The following RIC1 variants were observed in gnomAD, a reference collection of about 807,000 sequenced individuals.
RIC1 encodes the protein guanine nucleotide exchange factor subunit RIC1.
RIC1 carries 88 observed loss-of-function variants against 169.0 expected under a neutral mutation model. The ratio of observed to expected loss-of-function variants is 0.52; its 90% confidence interval spans 0.44 to 0.62. RIC1 has a LOEUF of 0.62. RIC1 is among the 20% of genes least tolerant of loss of function. The pLI, the probability that RIC1 is intolerant of heterozygous loss-of-function variation, is 0.00. For missense variants in RIC1, 1,877 were observed against 1,725.5 expected (o/e 1.09, Z -1.56); for synonymous variants, 790 against 601.5 (o/e 1.31, Z -4.59).
intron 1 of RIC1, among the ~76,000 whole-genome samples, chr9:5,640,635 A>G (rs1818193540): frequency 6.6e-6 from 1 of 152,220 alleles, no homozygotes; most frequent in African/African-American, 2.4e-5. Context: ...AAACTACTCA[A>G]GTAGAAGGAG....
intron 16 of RIC1, 122 bp from the exon 17 acceptor site, chr9:5,757,191 G>A: frequency 8.9e-7 from 1 of 1,121,594 alleles, no homozygotes; most frequent in Non-Finnish European, 1.3e-6. Flanking sequence ...GGGAGAAGAT[G>A]ATAGGTAGTA....
chr9:5,729,231 G>A (rs2130911549), intron 6 of RIC1, among the ~76,000 whole-genome samples: 1 of 152,234 alleles, frequency 6.6e-6, no homozygotes, highest in South Asian at 2.1e-4. Context: ...GGTAGGGGTG[G>A]GGGTGTTTTG....
Position 5,690,037 on chromosome 9 carries a change from A to G in RIC1, c.331A>G (p.Lys111Glu). Residue 111 changes from lysine (K) to glutamate (E), a missense_variant and splice_region_variant, in exon 3 of 26, where the codon AAA (lysine) becomes GAA (glutamate). Lys to Glu is a moderately conservative substitution (Grantham distance 56). Around this residue, in one of 3 missense-constraint regions of RIC1, gnomAD observed 1,104 missense variants for 992.0 expected, o/e 1.11. Coordinates refer to ENST00000414202, the MANE Select transcript of RIC1 (RefSeq NM_020829.4). ...DKYLYEPVYP[K>E]GSPQMKGTPH... is the part of the protein sequence containing the mutation. ...GTACCTTTATGAACCAGTGTATCCCAAGTAAGTTTGTTGCCTTTCATTCTT... is the reference window on the plus strand; with the variant it reads ...GTACCTTTATGAACCAGTGTATCCCGAGTAAGTTTGTTGCCTTTCATTCTT... 1.3e-6 allele frequency: 2 copies of G among 1,578,810 alleles called. No individual in the cohort carries two copies. The highest frequency in any genetic ancestry group is 3.4e-4 in the Middle Eastern group (2 of 5,958).
intron 2 of RIC1, among the ~76,000 whole-genome samples, chr9:5,669,958 T>C (rs560087183): frequency 2.6e-5 from 4 of 152,254 alleles, no homozygotes; most frequent in Admixed American, 2.0e-4. Flanking sequence ...AACTGGATTT[T>C]ATAAGGAAAT....
chr9:5,727,008 T>C (rs553451807), intron 6 of RIC1, among the ~76,000 whole-genome samples: 1 of 152,302 alleles, frequency 6.6e-6, no homozygotes, highest in South Asian at 2.1e-4. Context: ...ATTTCAACTT[T>C]GGTGAGTCTG....
At chr9:5,664,894 C>T (rs967401263) in intron 2 of RIC1, among the ~76,000 whole-genome samples, 1 of 152,174 alleles carries the variant, frequency 6.6e-6, no homozygotes, top group African/African-American at 2.4e-5. Context: ...TCCACTTGGT[C>T]TATTCTGCTA....
intron 1 of RIC1, among the ~76,000 whole-genome samples, chr9:5,641,114 C>T (rs1168273891): frequency 7.8e-5 from 11 of 141,934 alleles, no homozygotes; most frequent in Non-Finnish European, 4.6e-5. Context: ...TTTTTTTGGA[C>T]GGGGTCTTGC....
At chr9:5,693,830 C>T (rs1468244315) in intron 3 of RIC1, among the ~76,000 whole-genome samples, 1 of 151,170 alleles carries the variant, frequency 6.6e-6, no homozygotes, top group Non-Finnish European at 1.5e-5. Context: ...AGATTTTTTT[C>T]CCCCTTCTTC....
chr9:5,685,526 A>C (rs1821166567), intron 2 of RIC1, among the ~76,000 whole-genome samples: 1 of 150,032 alleles, frequency 6.7e-6, no homozygotes, highest in African/African-American at 2.4e-5. Context: ...GCAATGGGGA[A>C]AGGATTCCCT....
intron 21 of RIC1, among the ~76,000 whole-genome samples, chr9:5,768,759 A>C (rs1224482231): frequency 6.6e-6 from 1 of 152,024 alleles, no homozygotes; most frequent in African/African-American, 2.4e-5. Context: ...CCCTGTATTC[A>C]TTCTACAAAT....
chr9:5,765,458 A>T lies in RIC1; in HGVS notation c.2886A>T (p.Leu962=), dbSNP rs758844052. 6.2e-7 allele frequency: 1 copy of T among 1,614,154 alleles called. No individual in the cohort carries two copies. Among genetic ancestry groups the T allele is most frequent in the South Asian group, 1.1e-5 (1 of 91,090 alleles). The change falls in exon 20 of 26, where the codon CTA becomes CTT. Residue 962 remains leucine (L), a synonymous_variant. Coordinates refer to ENST00000414202, the MANE Select transcript of RIC1 (RefSeq NM_020829.4). ...PAVSRQHATL[L]FNTALEQGKW... ...TAAGTAGGCAACATGCTACCCTTCT[A>T]TTCAACACAGCACTAGAACAAGGCA...
chr9:5,768,782 C>G (rs897666245), intron 21 of RIC1, among the ~76,000 whole-genome samples, 188 bp from the exon 22 acceptor site: 2 of 152,128 alleles, frequency 1.3e-5, no homozygotes, highest in Non-Finnish European at 2.9e-5. Flanking sequence ...GTCTTAAGAG[C>G]CTTCTGTGTT....
intron 2 of RIC1, among the ~76,000 whole-genome samples, chr9:5,671,006 AC>A (rs1229312359): frequency 5.3e-5 from 8 of 151,994 alleles, no homozygotes; most frequent in Admixed American, 1.3e-4. Context: ...AAATGCAAAA[AC>A]CTGAGAAGGT....
At chr9:5,678,781 C>G (rs1586930378) in intron 2 of RIC1, among the ~76,000 whole-genome samples, 3 of 152,044 alleles carry the variant, frequency 2.0e-5, no homozygotes, top group East Asian at 3.9e-4. Context: ...AAATTTTTTC[C>G]CATTCTGTAG....
chr9:5,739,436 C>T (rs1824930017), intron 8 of RIC1, among the ~76,000 whole-genome samples: 1 of 152,154 alleles, frequency 6.6e-6, no homozygotes, highest in African/African-American at 2.4e-5. Context: ...AATATCCATT[C>T]CCATGCCTAC....
rs1375741017 is a variant in RIC1, at chr9:5,720,204, C to G, written c.463C>G (p.Leu155Val). The change falls in exon 5 of 26, where the codon CTC becomes GTC. Residue 155 changes from leucine to valine, a missense_variant. Physicochemically the swap from Leu to Val is conservative, Grantham distance 32. Coordinates refer to ENST00000414202, the MANE Select transcript of RIC1 (RefSeq NM_020829.4). The stretch of plus-strand genomic sequence containing the variant: ...CAGTTTGCAGTCTGTGTTGGAAGAT[C>G]TCCTGGTTGCTACTTCTGATGGACT... ...IMSLQSVLED[L>V]LVATSDGLLH... 2 of 1,612,240 alleles carry G rather than the reference C, an allele frequency of 1.2e-6. No homozygotes were observed. The highest frequency in any genetic ancestry group is 2.2e-5 in the East Asian group (1 of 44,858).
intron 3 of RIC1, among the ~76,000 whole-genome samples, chr9:5,690,963 A>C (rs1293282981): frequency 6.6e-6 from 1 of 151,912 alleles, no homozygotes; most frequent in Non-Finnish European, 1.5e-5. Context: ...AAATAAACCC[A>C]AATAAAATAA....
At chr9:5,751,724 A>G (rs1041106001) in intron 12 of RIC1, among the ~76,000 whole-genome samples, 3 of 151,772 alleles carry the variant, frequency 2.0e-5, no homozygotes, top group African/African-American at 7.2e-5. Flanking sequence ...AGTCAACTTA[A>G]TAAGTATAAC....
chr9:5,652,406 G>T (rs1818853931), intron 1 of RIC1, among the ~76,000 whole-genome samples: 1 of 152,118 alleles, frequency 6.6e-6, no homozygotes, highest in East Asian at 1.9e-4. Flanking sequence ...AGTTTTCATT[G>T]TAGTGATCTT....
Sources: gnomAD v4.1 joint callset for allele counts (sites outside exome capture counted in the v4.1 genomes callset) on GRCh38, gnomAD v4.1.1 for gene constraint, gnomAD v4.1.1 regional missense constraint, MANE v1.5 for transcripts, NCBI Gene and HGNC (gene_info 2026-07-23, HGNC 2026-07-21) for gene names.